Variants in BRD8 observed in about 807,000 individuals in gnomAD.
BRD8 encodes bromodomain containing 8.
In BRD8, 67 loss-of-function variants were observed where a neutral mutation model predicts 143.1. The ratio of observed to expected loss-of-function variants is 0.47; its 90% CI spans 0.38 to 0.57. BRD8 has a LOEUF of 0.57. Among genes scored for constraint, BRD8 ranks in the 20% least tolerant of loss-of-function variants. BRD8 has a pLI of 0.00. For synonymous variants in BRD8, 505 were observed against 517.1 expected (o/e 0.98, Z 0.32); for missense variants, 1,103 against 1,503.0 (o/e 0.73, Z 4.40).
intron 7 of BRD8, 129 bp from the exon 8 acceptor site, chr5:138,169,487 A>T: frequency 1.8e-6 from 2 of 1,127,232 alleles, no homozygotes; most frequent in Non-Finnish European, 2.5e-6. Context: ...ATAAGTTTGG[A>T]TTAGAAAGCT....
intron 2 of BRD8, 104 bp from the exon 3 acceptor site, chr5:138,172,238 C>A (rs560823887): frequency 2.1e-6 from 2 of 947,702 alleles, no homozygotes; most frequent in South Asian, 2.8e-5. Context: ...AAAAAAGATG[C>A]GAATGGCCAG....
chr5:138,178,544 C>G (rs1383533795), intron 1 of BRD8, 52 bp downstream of exon 1: 40 of 1,555,328 alleles, frequency 2.6e-5, no homozygotes, highest in Non-Finnish European at 3.5e-5. Flanking sequence ...AATATGGTGC[C>G]TAGCCTCGGA....
At chr5:138,158,289 C>A (rs1714278288) in intron 20 of BRD8, among the ~76,000 whole-genome samples, 1 of 152,178 alleles carries the variant, frequency 6.6e-6, no homozygotes, top group Admixed American at 6.6e-5. Context: ...TGATGCCCTT[C>A]CATTACATCA....
chr5:138,170,714 C>A, intron 6 of BRD8, 118 bp downstream of exon 6: 1 of 991,780 alleles, frequency 1.0e-6, no homozygotes, highest in South Asian at 1.4e-5. Context: ...CAGCTTTCCC[C>A]TTCCAGAATC....
At chr5:138,163,426 T>C in intron 14 of BRD8, 82 bp from the exon 15 acceptor site, 1 of 1,513,556 alleles carries the variant, frequency 6.6e-7, no homozygotes. Context: ...GTCTTTTGGG[T>C]TAGAATTAGT....
At chr5:138,167,873 G>A (rs1581445122) in intron 9 of BRD8, 61 bp downstream of exon 9, 3 of 1,458,382 alleles carry the variant, frequency 2.1e-6, no homozygotes, top group Non-Finnish European at 2.9e-6. Context: ...CAGTGAAACT[G>A]AGGTCAGTCA....
chr5:138,163,929 C>T (rs1345446981), intron 14 of BRD8, among the ~76,000 whole-genome samples, 158 bp downstream of exon 14: 1 of 152,188 alleles, frequency 6.6e-6, no homozygotes, highest in Non-Finnish European at 1.5e-5. Context: ...TGCTATAGTA[C>T]TCCCATTATG....
At position 138,145,873 on chromosome 5, in the gene BRD8, T is replaced by A. The variant is rs1444487241; in HGVS notation, c.3284A>T (p.Asp1095Val). Residue 1095 changes from aspartate (D) to valine (V), a missense_variant, in exon 24 of 27, where the codon GAT becomes GTT. This residue lies in a region of BRD8 where 369 missense variants were observed against 445.5 expected (regional missense o/e 0.83). Coordinates refer to ENST00000254900, the MANE Select transcript of BRD8 (RefSeq NM_139199.2). ...FSHATSSKLT[D>V]LSQDDPVQDH... is the part of the protein sequence containing the mutation. Reference sequence around the variant, plus strand: ...CTGAACAGGGTCATCCTGGCTTAGATCAGTCCTATGAGGATAAAACATGAA... The same window carrying A: ...CTGAACAGGGTCATCCTGGCTTAGAACAGTCCTATGAGGATAAAACATGAA... 2.5e-6 allele frequency: 4 copies of A among 1,613,394 alleles called. No individual in the cohort carries two copies. Among genetic ancestry groups the A allele is most frequent in the Admixed American group, 1.7e-5 (1 of 60,012 alleles).
At chr5:138,168,413 C>T in intron 8 of BRD8, 1 of 1,216,516 alleles carries the variant, frequency 8.2e-7, no homozygotes, top group Non-Finnish European at 1.2e-6. Flanking sequence ...GTCCCAGGCA[C>T]TCCCTTCCAA....
At chr5:138,142,911 T>A (rs1751971685) in intron 25 of BRD8, among the ~76,000 whole-genome samples, 2 of 151,440 alleles carry the variant, frequency 1.3e-5, no homozygotes, top group South Asian at 4.2e-4. Context: ...ACAAAAAATT[T>A]AAAAATTCCT....
rs1751838924 is a variant in BRD8, at chr5:138,139,987, C to T, written c.*87G>A. 9.7e-6 allele frequency: 10 copies of T among 1,027,432 alleles called. No homozygotes were observed. The highest frequency in any genetic ancestry group is 1.5e-5 in the Non-Finnish European group (10 of 667,526). 63.6% of individuals were successfully genotyped at this position (1,027,432 alleles called of 1,614,324 possible). On this transcript the variant is annotated 3_prime_UTR_variant, in exon 27 of 27. Coordinates refer to ENST00000254900, the MANE Select transcript of BRD8 (RefSeq NM_139199.2). ...TTCTTGTTGGAAAAGAAAATGAGGA[C>T]ATGGCAAAGAAGTACCAGGATCCTC...
Position 138,149,684 on chromosome 5 carries a change from A to C in BRD8, c.3234T>G (p.Thr1078=), listed in dbSNP as rs149886352. Residue 1078 remains threonine, a synonymous_variant, in exon 23 of 27, where the codon ACT becomes ACG. Coordinates refer to ENST00000254900, the MANE Select transcript of BRD8 (RefSeq NM_139199.2). ...ECDDAFNIKE[T]PLVDTLFSHA... ...GGCTGAAAAGTGTATCCACCAAGGG[A>C]GTCTCCTTAATGTTAAAGGCATCAT... 197 of 1,612,966 alleles carry C rather than the reference A, an allele frequency of 1.2e-4. No individual in the cohort carries two copies. The highest frequency in any genetic ancestry group is 1.5e-4 in the Non-Finnish European group (174 of 1,179,650).
chr5:138,174,889 G>GTTT (rs1168055000), intron 2 of BRD8, among the ~76,000 whole-genome samples: 9 of 137,410 alleles, frequency 6.5e-5, no homozygotes, highest in South Asian at 2.4e-4. Flanking sequence ...ATAAACTCAA[G>GTTT]TTTTTTTTTT....
At chr5:138,177,855 G>A (rs1319153534) in intron 1 of BRD8, among the ~76,000 whole-genome samples, 188 bp from the exon 2 acceptor site, 1 of 152,120 alleles carries the variant, frequency 6.6e-6, no homozygotes, top group Non-Finnish European at 1.5e-5. Context: ...AGTGACCGGG[G>A]TACCTATTCG....
intron 3 of BRD8, 45 bp from the exon 4 acceptor site, chr5:138,171,455 G>A: frequency 8.2e-7 from 1 of 1,221,508 alleles, no homozygotes; most frequent in Non-Finnish European, 1.2e-6. Flanking sequence ...GAGCAAGGCT[G>A]GAAAGAAATG....
chr5:138,149,073 G>GA (rs892187735), intron 23 of BRD8, among the ~76,000 whole-genome samples: 18 of 147,380 alleles, frequency 1.2e-4, no homozygotes, highest in South Asian at 2.2e-4. Context: ...CTCTATTAAA[G>GA]AAAAAAAAAG....
At chr5:138,155,511 G>A (rs1308795720) in intron 20 of BRD8, among the ~76,000 whole-genome samples, 5 of 150,036 alleles carry the variant, frequency 3.3e-5, no homozygotes, top group African/African-American at 4.9e-5. Flanking sequence ...AAAAAAAAAA[G>A]TTATTAACAG....
At position 138,171,351 on chromosome 5, in the gene BRD8, T is replaced by C; in HGVS notation, c.236+10A>G. 6.2e-7 allele frequency: 1 copy of C among 1,603,464 alleles called. No individual in the cohort carries two copies. The highest frequency in any genetic ancestry group is 8.5e-7 in the Non-Finnish European group (1 of 1,172,230). ...AGAAATATGGCTGAAGTACCTGGCTTTGTACTCACTTTGGTGTCTCAGTGG... is the reference window on the plus strand; with the variant it reads ...AGAAATATGGCTGAAGTACCTGGCTCTGTACTCACTTTGGTGTCTCAGTGG... On this transcript the variant is annotated intron_variant, in intron 4 of 26. Transcript: ENST00000254900.
rs768128052 is a variant in BRD8, at chr5:138,145,809, C to T, written c.3348G>A (p.Trp1116Ter). ...LLFKKTLLPV[W>*]KMIASHRFSS... Reference sequence around the variant, plus strand: ...CCTACCTGTGACTGGCAATCATCTTCCAGACTGGCAGGAGAGTCTTCTTAA... The same window carrying T: ...CCTACCTGTGACTGGCAATCATCTTTCAGACTGGCAGGAGAGTCTTCTTAA... Residue 1116 changes from tryptophan (W) to a stop codon, truncating the protein, a stop_gained, in exon 24 of 27, where the codon TGG becomes TGA. Coordinates refer to ENST00000254900, the MANE Select transcript of BRD8 (RefSeq NM_139199.2). LOFTEE classifies it high-confidence loss of function. The T allele has an allele frequency of 1.9e-6, 3 of 1,613,910 alleles. No homozygotes were observed. The highest frequency in any genetic ancestry group is 2.5e-6 in the Non-Finnish European group (3 of 1,179,926).
Sources: gnomAD v4.1 joint callset for allele counts (sites outside exome capture counted in the v4.1 genomes callset) on GRCh38, gnomAD v4.1.1 for gene constraint, gnomAD v4.1.1 regional missense constraint, MANE v1.5 for transcripts, NCBI Gene and HGNC (gene_info 2026-07-23, HGNC 2026-07-21) for gene names.